The following PITPNM3 variants were observed in gnomAD, a reference collection of about 807,000 sequenced individuals.
PITPNM3 encodes the protein membrane-associated phosphatidylinositol transfer protein 3.
A neutral mutation model predicts 102.0 loss-of-function variants in PITPNM3; 26 were observed. That is an observed-to-expected ratio of 0.25 (90% CI 0.19 to 0.35). The LOEUF (loss-of-function observed/expected upper bound fraction) is 0.35. Ranked by LOEUF, PITPNM3 falls within the 10% of genes least tolerant of loss-of-function variation. The probability of loss-of-function intolerance (pLI) is 1.00; values close to 1 mark genes in which losing one functional copy is unlikely to be tolerated. For synonymous variants in PITPNM3, 578 were observed against 558.6 expected, an observed-to-expected ratio of 1.03 and a Z score of -0.49; for missense variants, 1,083 against 1,346.1, an observed-to-expected ratio of 0.80 and a Z score of 3.06.
intron 8 of PITPNM3, 27 bp downstream of exon 8, chr17:6,477,948 T>A (rs1905409047): frequency 6.2e-7 from 1 of 1,609,270 alleles, no homozygotes; most frequent in Non-Finnish European, 8.5e-7. Flanking sequence ...GGCATACCCC[T>A]CCCGCGGTCC....
intron 3 of PITPNM3, among the ~76,000 whole-genome samples, chr17:6,506,659 C>T (rs1317642236): frequency 6.6e-6 from 1 of 152,182 alleles, no homozygotes; most frequent in African/African-American, 2.4e-5. Flanking sequence ...CGTGAGCCAC[C>T]GCGCCCGGCC....
intron 17 of PITPNM3, 43 bp from the exon 18 acceptor site, chr17:6,461,599 G>C: frequency 6.2e-7 from 1 of 1,602,838 alleles, no homozygotes; most frequent in Non-Finnish European, 8.5e-7. Flanking sequence ...GCCCAGTGCA[G>C]GCCACCTGAT....
intron 4 of PITPNM3, among the ~76,000 whole-genome samples, chr17:6,485,013 C>T (rs1052013853): frequency 2.6e-5 from 4 of 152,174 alleles, no homozygotes; most frequent in African/African-American, 9.7e-5. Flanking sequence ...GTTCTCTGGC[C>T]TTTGGGCTTG....
At chr17:6,485,386 G>A (rs573807901) in intron 4 of PITPNM3, among the ~76,000 whole-genome samples, 2 of 152,050 alleles carry the variant, frequency 1.3e-5, no homozygotes, top group South Asian at 2.1e-4. Flanking sequence ...TCAAACTCCT[G>A]ACCTCAAGTG....
chr17:6,498,262 C>T (rs1465966478), intron 4 of PITPNM3, among the ~76,000 whole-genome samples: 1 of 152,210 alleles, frequency 6.6e-6, no homozygotes, highest in African/African-American at 2.4e-5. Flanking sequence ...CTGTCTCCTC[C>T]GCAGAGATGG....
In PITPNM3 at chr17:6,478,539, T is replaced by A. The variant is rs774575641; in HGVS notation, c.777+8A>T. 1 of 1,613,402 alleles carries A rather than the reference T, an allele frequency of 6.2e-7. No individual in the cohort carries two copies. Among genetic ancestry groups the A allele is most frequent in the Non-Finnish European group, 8.5e-7 (1 of 1,179,570 alleles). On this transcript the variant is annotated splice_region_variant and intron_variant, in intron 7 of 19. Transcript: ENST00000262483. The surrounding 1 kb of genome is among the most constrained non-coding windows in gnomAD (Gnocchi z 4.4). The stretch of plus-strand genomic sequence containing the variant: ...GAGGGGAGAGGAGGAGAGGGCAGGC[T>A]GTCCTACCTGCCCACTGAAGCCAAT...
At chr17:6,525,141 G>T (rs1303129774) in intron 3 of PITPNM3, among the ~76,000 whole-genome samples, 2 of 152,214 alleles carry the variant, frequency 1.3e-5, no homozygotes. Context: ...AAGCTCTGTT[G>T]AAGTAGGCTG....
chr17:6,490,681 C>T (rs369048533), intron 4 of PITPNM3, among the ~76,000 whole-genome samples: 6 of 151,954 alleles, frequency 3.9e-5, no homozygotes, highest in East Asian at 2.0e-4. Context: ...TGGGGCCGGG[C>T]GCAGTGGCTC....
intron 4 of PITPNM3, among the ~76,000 whole-genome samples, chr17:6,497,749 T>C (rs748399301): frequency 5.9e-5 from 9 of 152,148 alleles, no homozygotes; most frequent in Non-Finnish European, 1.0e-4. Flanking sequence ...GGGTCACATG[T>C]GTCAGGTGGC....
rs982670652 is a variant in PITPNM3 at position 6,464,576 on chromosome 17, C to T, written c.2007+79G>A. The T allele has an allele frequency of 3.3e-5, 47 of 1,419,824 alleles. No homozygotes were observed. In the African/African-American group the frequency reaches 4.8e-4, roughly 14 times the overall value. 88.0% of individuals were successfully genotyped at this position (1,419,824 alleles called of 1,614,324 possible). ...GGCAGCTCGGCCCTCTTGACACCCTCACCCCACACGCTATGTGGCTCCATG... is the reference window on the plus strand; with the variant it reads ...GGCAGCTCGGCCCTCTTGACACCCTTACCCCACACGCTATGTGGCTCCATG... On this transcript the variant is annotated intron_variant, in intron 15 of 19. Transcript: ENST00000262483.
intron 1 of PITPNM3, among the ~76,000 whole-genome samples, chr17:6,545,065 G>A (rs369191724): frequency 6.6e-6 from 1 of 152,060 alleles, no homozygotes; most frequent in African/African-American, 2.4e-5. Flanking sequence ...CCACCATCCC[G>A]CTCCCACCTG....
intron 3 of PITPNM3, among the ~76,000 whole-genome samples, chr17:6,523,136 G>A (rs745739082): frequency 2.6e-5 from 4 of 151,946 alleles, no homozygotes; most frequent in African/African-American, 9.7e-5. Context: ...ACCAACCCTC[G>A]GACTCAGGTA....
chr17:6,547,517 G>T (rs1305455109), intron 1 of PITPNM3, among the ~76,000 whole-genome samples: 1 of 152,046 alleles, frequency 6.6e-6, no homozygotes, highest in Admixed American at 6.5e-5. Context: ...GTTCCCCGTA[G>T]CACCTGCCAC....
chr17:6,506,360 C>A (rs937621134), intron 3 of PITPNM3, among the ~76,000 whole-genome samples: 9 of 144,622 alleles, frequency 6.2e-5, no homozygotes, highest in Admixed American at 7.2e-5. Context: ...CCTTTCTATT[C>A]TTTTCTTTTC....
rs1157515741 is a variant in PITPNM3 at position 6,463,869 on chromosome 17, G to A, written c.2169C>T (p.Thr723=). 6.2e-7 allele frequency: 1 copy of A among 1,613,954 alleles called. No individual in the cohort carries two copies. The highest frequency in any genetic ancestry group is 1.3e-5 in the African/African-American group (1 of 74,946). ...ACACCGTGAGGTAGCTCATGGCACA[G>A]GTCTGGTCGCCCCTGAAAGAAACCT... ...PVKMVVRGDQ[T]CAMSYLTVLP... is the part of the protein sequence containing the mutation. Residue 723 remains threonine (T), a synonymous_variant, in exon 17 of 20, where the codon ACC becomes ACT. Transcript: ENST00000262483.
chr17:6,516,828 G>A (rs555511823), intron 3 of PITPNM3, among the ~76,000 whole-genome samples: 48 of 152,128 alleles, frequency 3.2e-4, no homozygotes, highest in African/African-American at 1.1e-3. Flanking sequence ...CCAGGAGTTC[G>A]AGACCAGCCT....
chr17:6,520,751 G>A (rs1908460453), intron 3 of PITPNM3, among the ~76,000 whole-genome samples: 1 of 152,224 alleles, frequency 6.6e-6, no homozygotes, highest in Non-Finnish European at 1.5e-5. Context: ...ATCATCAGAT[G>A]AATGGATAAA....
At chr17:6,501,715 C>T (rs777198842) in intron 4 of PITPNM3, among the ~76,000 whole-genome samples, 34 of 152,164 alleles carry the variant, frequency 2.2e-4, no homozygotes, top group Non-Finnish European at 4.3e-4. Context: ...TTCCATACCT[C>T]AGTTGCTATT....
intron 4 of PITPNM3, among the ~76,000 whole-genome samples, chr17:6,491,822 T>TAC (rs1272119300): frequency 2.3e-5 from 2 of 86,284 alleles, no homozygotes; most frequent in Admixed American, 1.2e-4. Flanking sequence ...ATGGAATATA[T>TAC]ATATATATAT....
Sources: gnomAD v4.1 joint callset for allele counts (sites outside exome capture counted in the v4.1 genomes callset) on GRCh38, gnomAD v4.1.1 for gene constraint, Gnocchi (gnomAD v3.1) non-coding constraint, MANE v1.5 for transcripts, NCBI Gene and HGNC (gene_info 2026-07-23, HGNC 2026-07-21) for gene names.